The following SUFU variants were observed in gnomAD, a reference collection of about 807,000 sequenced individuals.
The protein encoded by SUFU is suppressor of fused homolog.
In SUFU, 7 loss-of-function variants were observed where a neutral mutation model predicts 58.9. The observed-to-expected ratio is 0.12, with a 90% CI of 0.07 to 0.22. The LOEUF (loss-of-function observed/expected upper bound fraction) is 0.22. SUFU is among the 10% of genes least tolerant of loss of function. SUFU has a pLI of 1.00. For missense variants in SUFU, 451 were observed against 641.3 expected (o/e 0.70, Z 3.20); for synonymous variants, 232 against 254.8 (o/e 0.91, Z 0.85).
chr10:102,588,192 C>T (rs1487495800), intron 3 of SUFU, among the ~76,000 whole-genome samples: 7 of 151,884 alleles, frequency 4.6e-5, no homozygotes, highest in African/African-American at 1.7e-4. Flanking sequence ...GTCAGGAGAT[C>T]GAGACCCTGG....
chr10:102,605,762 G>C (rs1281258898), intron 8 of SUFU, among the ~76,000 whole-genome samples: 1 of 152,138 alleles, frequency 6.6e-6, no homozygotes. Flanking sequence ...TCAGCAATCA[G>C]AAAGCAAAAG....
chr10:102,560,947 G>C (rs1040545965), intron 3 of SUFU, among the ~76,000 whole-genome samples: 1 of 151,904 alleles, frequency 6.6e-6, no homozygotes, highest in African/African-American at 2.4e-5. Context: ...TCCTCCCAGC[G>C]ATTTTCCTGC....
At chr10:102,614,636 G>T (rs373748497) in intron 8 of SUFU, among the ~76,000 whole-genome samples, 107 of 151,780 alleles carry the variant, frequency 7.0e-4, no homozygotes, top group African/African-American at 2.5e-3. Flanking sequence ...AGCACTTTGG[G>T]AGGCCAGGAC....
At chr10:102,602,865 C>T (rs367936590) in intron 8 of SUFU, among the ~76,000 whole-genome samples, 3 of 152,208 alleles carry the variant, frequency 2.0e-5, no homozygotes, top group South Asian at 4.1e-4. Context: ...CTGTATCTGG[C>T]TTTTCCCAAG....
intron 3 of SUFU, chr10:102,579,920 A>T: frequency 1.1e-6 from 1 of 931,524 alleles, no homozygotes; most frequent in Non-Finnish European, 1.3e-6. Flanking sequence ...AAACTCTACA[A>T]CTGGTCACCA....
At chr10:102,610,118 TGTA>T (rs2063606842) in intron 8 of SUFU, among the ~76,000 whole-genome samples, 1 of 152,136 alleles carries the variant, frequency 6.6e-6, no homozygotes, top group South Asian at 2.1e-4. Flanking sequence ...GACTCACACC[TGTA>T]ATCCCAGCAC....
intron 1 of SUFU, among the ~76,000 whole-genome samples, chr10:102,506,975 A>G (rs1002410179): frequency 3.9e-5 from 6 of 152,230 alleles, no homozygotes; most frequent in African/African-American, 9.6e-5. Context: ...CAGTCCTGCA[A>G]CTGCCCTGCA....
intron 10 of SUFU, among the ~76,000 whole-genome samples, chr10:102,623,344 C>T (rs1254680344): frequency 6.6e-6 from 1 of 152,228 alleles, no homozygotes; most frequent in African/African-American, 2.4e-5. Flanking sequence ...ACTTGGGAAC[C>T]ATCTCTGGGC....
At chr10:102,590,410 G>A (rs559399323) in intron 3 of SUFU, among the ~76,000 whole-genome samples, 1 of 151,446 alleles carries the variant, frequency 6.6e-6, no homozygotes, top group East Asian at 1.9e-4. Flanking sequence ...CGTGATCCGC[G>A]TGCCTCGGCC....
upstream of SUFU, among the ~76,000 whole-genome samples, chr10:102,503,422 A>AAG (rs1265626748): frequency 6.6e-6 from 1 of 152,132 alleles, no homozygotes; most frequent in Non-Finnish European, 1.5e-5. Context: ...GTATCTCTTT[A>AAG]ATTTTCATAA....
rs114169577 is a variant in SUFU, at chr10:102,534,835, C to T, written c.318-15135C>T. Among the ~76,000 whole-genome samples the T allele has an allele frequency of 1.1e-3, 161 of 152,228 alleles. 1 individual carries two copies. The highest frequency in any genetic ancestry group is 3.5e-3 in the African/African-American group (146 of 41,534). On this transcript the variant is annotated intron_variant, in intron 2 of 11. Coordinates refer to ENST00000369902, the MANE Select transcript of SUFU (RefSeq NM_016169.4). ...AAGCCCTAGAGCAACAGGAGGTCTG[C>T]GGTTTAGGTTTCTCTATAGTCTCTG...
intron 8 of SUFU, among the ~76,000 whole-genome samples, chr10:102,613,495 G>A (rs1469494312): frequency 6.6e-6 from 1 of 152,236 alleles, no homozygotes; most frequent in African/African-American, 2.4e-5. Context: ...GAGGTGCCCT[G>A]CCTGTTGGGG....
intron 3 of SUFU, among the ~76,000 whole-genome samples, chr10:102,570,389 A>G (rs1345537376): frequency 6.6e-6 from 1 of 152,030 alleles, no homozygotes; most frequent in Non-Finnish European, 1.5e-5. Context: ...CTACAGGCAC[A>G]CGCCACCACG....
At chr10:102,621,556 G>A (rs1034563687) in intron 10 of SUFU, among the ~76,000 whole-genome samples, 1 of 150,226 alleles carries the variant, frequency 6.7e-6, no homozygotes, top group East Asian at 2.0e-4. Context: ...TCTCCAGGCT[G>A]TTTTCTGGCT....
At position 102,550,112 on chromosome 10, in the gene SUFU, A is replaced by T. The variant is rs2062897274; in HGVS notation, c.454+6A>T. 1 of 1,614,104 alleles carries T rather than the reference A, an allele frequency of 6.2e-7. No individual in the cohort carries two copies. The highest frequency in any genetic ancestry group is 8.5e-7 in the Non-Finnish European group (1 of 1,179,992). On this transcript the variant is annotated splice_donor_region_variant and intron_variant, in intron 3 of 11. Coordinates refer to ENST00000369902, the MANE Select transcript of SUFU (RefSeq NM_016169.4). Reference sequence around the variant, plus strand: ...ACGATACGTGTTCCAGTCAGGTAGGAGGCCAGGGCTGGCTGCTGTGCTGGT... The same window carrying T: ...ACGATACGTGTTCCAGTCAGGTAGGTGGCCAGGGCTGGCTGCTGTGCTGGT...
chr10:102,537,641 T>A (rs1564670934), intron 2 of SUFU, among the ~76,000 whole-genome samples: 1 of 152,214 alleles, frequency 6.6e-6, no homozygotes. Context: ...TTCATATAAG[T>A]GGAATCATAT....
At chr10:102,565,407 G>C (rs1032840608) in intron 3 of SUFU, among the ~76,000 whole-genome samples, 5 of 152,160 alleles carry the variant, frequency 3.3e-5, no homozygotes, top group African/African-American at 1.2e-4. Context: ...ACAGTACCTA[G>C]AGTTTGTTGG....
At chr10:102,627,889 T>C (rs1168031290) in intron 11 of SUFU, among the ~76,000 whole-genome samples, 1 of 152,164 alleles carries the variant, frequency 6.6e-6, no homozygotes, top group Non-Finnish European at 1.5e-5. Context: ...GGCATCCTTA[T>C]TTGCGAGGGC....
At chr10:102,523,470 A>G (rs540424625) in intron 2 of SUFU, among the ~76,000 whole-genome samples, 1 of 152,272 alleles carries the variant, frequency 6.6e-6, no homozygotes, top group Admixed American at 6.5e-5. Context: ...AGGGGGGTCG[A>G]GCTGGCTGGC....
Sources: gnomAD v4.1 joint callset for allele counts (sites outside exome capture counted in the v4.1 genomes callset) on GRCh38, gnomAD v4.1.1 for gene constraint, MANE v1.5 for transcripts, NCBI Gene and HGNC (gene_info 2026-07-23, HGNC 2026-07-21) for gene names.